Variants in DENND5A observed in about 807,000 individuals in gnomAD.
The protein encoded by DENND5A is DENN domain containing 5A.
DENND5A carries 64 observed loss-of-function variants against 140.3 expected under a neutral mutation model. The ratio of observed to expected loss-of-function variants is 0.46; its 90% CI spans 0.37 to 0.56. The LOEUF (loss-of-function observed/expected upper bound fraction) is 0.56. DENND5A is among the 20% of genes least tolerant of loss of function. The probability of loss-of-function intolerance (pLI) is 0.00; values close to 1 mark genes in which losing one functional copy is unlikely to be tolerated. For missense variants in DENND5A, 1,292 were observed against 1,593.8 expected (o/e 0.81, Z 3.22); for synonymous variants, 605 against 607.7 (o/e 1.00, Z 0.07).
intron 11 of DENND5A, among the ~76,000 whole-genome samples, chr11:9,163,995 ATGCCTGGCCAGAG>A (rs771038892): frequency 3.3e-5 from 5 of 149,264 alleles, no homozygotes; most frequent in African/African-American, 4.9e-5. Context: ...ACTGGCCACA[ATGCCTGGCCAGAG>A]TTTTTTTTAA....
intron 5 of DENND5A, among the ~76,000 whole-genome samples, chr11:9,184,331 C>G (rs200507705): frequency 6.6e-6 from 1 of 150,846 alleles, no homozygotes; most frequent in Non-Finnish European, 1.5e-5. Flanking sequence ...CCAGCCTGGG[C>G]GACAGAGCGA....
intron 1 of DENND5A, among the ~76,000 whole-genome samples, chr11:9,241,963 G>C (rs2136274219): frequency 6.9e-6 from 1 of 145,168 alleles, no homozygotes; most frequent in East Asian, 2.0e-4. Context: ...GTGGTGAGCA[G>C]AGATTGCACC....
intron 12 of DENND5A, among the ~76,000 whole-genome samples, chr11:9,154,880 T>C (rs111789025): frequency 0.06 from 9,048 of 151,230 alleles, 380 homozygotes; most frequent in South Asian, 0.11. Context: ...CTGGGCGCAG[T>C]GGCTCACATC....
At chr11:9,181,629 T>C (rs1848735433) in intron 5 of DENND5A, among the ~76,000 whole-genome samples, 1 of 152,046 alleles carries the variant, frequency 6.6e-6, no homozygotes. Flanking sequence ...TCCCAGCTAC[T>C]TGAGAGGCTG....
chr11:9,182,044 G>A (rs1468256174), intron 5 of DENND5A, among the ~76,000 whole-genome samples: 1 of 152,208 alleles, frequency 6.6e-6, no homozygotes, highest in Non-Finnish European at 1.5e-5. Context: ...TAGGGGCCAG[G>A]AGCAGTGGTT....
intron 1 of DENND5A, among the ~76,000 whole-genome samples, chr11:9,238,840 T>C (rs1851113191): frequency 6.6e-6 from 1 of 151,582 alleles, no homozygotes; most frequent in African/African-American, 2.4e-5. Flanking sequence ...TTTCTTTTTT[T>C]TTTTTTTGAC....
chr11:9,204,675 C>A (rs185118267), intron 3 of DENND5A, among the ~76,000 whole-genome samples: 3 of 152,272 alleles, frequency 2.0e-5, no homozygotes, highest in Admixed American at 2.0e-4. Context: ...CCAGCCTGGG[C>A]AACATGGCGA....
chr11:9,168,018 T>C (rs1848246568), intron 10 of DENND5A, among the ~76,000 whole-genome samples: 1 of 152,164 alleles, frequency 6.6e-6, no homozygotes, highest in Non-Finnish European at 1.5e-5. Context: ...TGCTCCCTTA[T>C]ATCAACTGGT....
At chr11:9,213,001 ATT>A (rs71062814) in intron 1 of DENND5A, among the ~76,000 whole-genome samples, 14 of 126,238 alleles carry the variant, frequency 1.1e-4, no homozygotes, top group Admixed American at 8.4e-5. Context: ...CCTGGTTCTG[ATT>A]TTTTTTTTTT....
chr11:9,251,151 A>G (rs1192469318), intron 1 of DENND5A, among the ~76,000 whole-genome samples: 3 of 151,746 alleles, frequency 2.0e-5, no homozygotes, highest in African/African-American at 7.3e-5. Context: ...AAAAAAAAAA[A>G]AAAAAAGAAA....
At chr11:9,219,836 A>C (rs1850238591) in intron 1 of DENND5A, among the ~76,000 whole-genome samples, 1 of 152,254 alleles carries the variant, frequency 6.6e-6, no homozygotes, top group African/African-American at 2.4e-5. Context: ...GACAAACCAC[A>C]ACAGACTTCT....
At chr11:9,186,348 A>G (rs1055447394) in intron 5 of DENND5A, among the ~76,000 whole-genome samples, 6 of 152,240 alleles carry the variant, frequency 3.9e-5, no homozygotes, top group African/African-American at 1.4e-4. Flanking sequence ...AGAGATAAAG[A>G]CAGAATTAAA....
In DENND5A at chr11:9,204,121, A is replaced by T; in HGVS notation, c.488T>A (p.Val163Asp). The stretch of plus-strand genomic sequence containing the variant: ...GTCATCAGCAGGGGGAGCATGTAGG[A>T]CATCATACTCAGCATTGTGCATGTG... ...LYHMHNAEYD[V>D]LHAPPADDRD... The change falls in exon 4 of 23, where the codon GTC becomes GAC. Residue 163 changes from valine (V) to aspartate (D), a missense_variant. Physicochemically the swap from Val to Asp is radical, Grantham distance 152 (BLOSUM62 -3). Coordinates refer to ENST00000328194, the MANE Select transcript of DENND5A (RefSeq NM_015213.4). 1 of 1,614,144 alleles carries T rather than the reference A, an allele frequency of 6.2e-7. No homozygotes were observed. The highest frequency in any genetic ancestry group is 8.5e-7 in the Non-Finnish European group (1 of 1,180,016).
At chr11:9,204,384 C>T (rs1232433669) in intron 3 of DENND5A, 67 bp from the exon 4 acceptor site, 5 of 1,470,058 alleles carry the variant, frequency 3.4e-6, no homozygotes, top group Non-Finnish European at 3.7e-6. Context: ...AGAACACCAT[C>T]ACTATTTATT....
chr11:9,241,308 T>C (rs1049713898), intron 1 of DENND5A, among the ~76,000 whole-genome samples: 9 of 152,170 alleles, frequency 5.9e-5, no homozygotes. Flanking sequence ...CTTGTTAACA[T>C]ACAGGTTTCT....
Position 9,204,267 on chromosome 11 carries a change from C to T in DENND5A, c.342G>A (p.Glu114=). 1.9e-6 allele frequency: 3 copies of T among 1,613,814 alleles called. No homozygotes were observed. Among genetic ancestry groups the T allele is most frequent in the Non-Finnish European group, 2.5e-6 (3 of 1,180,016 alleles). ...TGATAATAAAGGCATGGAATTGGGG[C>T]TCCCTGGGATCAGCCTGGGTCTTGA... ...LAFKTQADPR[E]PQFHAFIITR... Residue 114 remains glutamate (E), a synonymous_variant, in exon 4 of 23, where the codon GAG becomes GAA. Transcript: ENST00000328194.
chr11:9,232,502 A>T (rs1323829027), intron 1 of DENND5A, among the ~76,000 whole-genome samples: 1 of 152,196 alleles, frequency 6.6e-6, no homozygotes, highest in Non-Finnish European at 1.5e-5. Flanking sequence ...AGTCATCCAG[A>T]AAATTCAAAT....
At chr11:9,186,852 G>A (rs572222383) in intron 5 of DENND5A, among the ~76,000 whole-genome samples, 8 of 152,238 alleles carry the variant, frequency 5.3e-5, no homozygotes, top group African/African-American at 1.9e-4. Context: ...AGGCTGAGGC[G>A]GGCAGATCAC....
intron 1 of DENND5A, among the ~76,000 whole-genome samples, chr11:9,241,181 C>T (rs1851220445): frequency 6.6e-6 from 1 of 152,130 alleles, no homozygotes; most frequent in Non-Finnish European, 1.5e-5. Context: ...TATTCGGGTA[C>T]TGAACTTAAA....
Sources: allele counts gnomAD v4.1 joint callset (sites outside exome capture counted in the v4.1 genomes callset), GRCh38; gene constraint gnomAD v4.1.1; transcripts MANE v1.5; gene names NCBI Gene and HGNC (gene_info 2026-07-23, HGNC 2026-07-21).